The following SPOCK3 variants were observed in gnomAD, a reference collection of about 807,000 sequenced individuals.
The protein encoded by SPOCK3 is testican-3.
A neutral mutation model predicts 56.6 loss-of-function variants in SPOCK3; 30 were observed. The ratio of observed to expected loss-of-function variants is 0.53; its 90% CI spans 0.40 to 0.72. The LOEUF is 0.72. SPOCK3 is among the 30% of genes least tolerant of loss of function. The probability of loss-of-function intolerance (pLI) is 0.00; values close to 1 mark genes in which losing one functional copy is unlikely to be tolerated. For missense variants in SPOCK3, 527 were observed against 530.0 expected (o/e 0.99, Z 0.06); for synonymous variants, 196 against 183.3 (o/e 1.07, Z -0.56).
chr4:167,030,877 C>T (rs965643037), intron 3 of SPOCK3, among the ~76,000 whole-genome samples: 1 of 152,010 alleles, frequency 6.6e-6, no homozygotes, highest in Non-Finnish European at 1.5e-5. Flanking sequence ...GAACTCTTGG[C>T]CATCTCTTTA....
intron 2 of SPOCK3, among the ~76,000 whole-genome samples, chr4:167,095,570 AAG>A (rs1351166166): frequency 6.6e-6 from 1 of 151,934 alleles, no homozygotes; most frequent in African/African-American, 2.4e-5. Context: ...ATAGTAACTA[AAG>A]AGAGAGAGAA....
At chr4:167,117,648 C>T (rs1428461652) in intron 2 of SPOCK3, among the ~76,000 whole-genome samples, 3 of 152,094 alleles carry the variant, frequency 2.0e-5, no homozygotes, top group Non-Finnish European at 2.9e-5. Context: ...GGTCTGGGGG[C>T]AGAGCAGCAG....
chr4:166,946,681 T>C (rs1402437887), intron 4 of SPOCK3, among the ~76,000 whole-genome samples: 1 of 152,000 alleles, frequency 6.6e-6, no homozygotes, highest in African/African-American at 2.4e-5. Flanking sequence ...TCCCCTACTC[T>C]ACATTTTGTA....
chr4:166,837,766 T>G (rs1047519890), intron 6 of SPOCK3, among the ~76,000 whole-genome samples: 1 of 152,204 alleles, frequency 6.6e-6, no homozygotes, highest in Non-Finnish European at 1.5e-5. Flanking sequence ...TACCATGTCC[T>G]TTCTTCCTTT....
At chr4:167,109,563 T>C (rs1299352504) in intron 2 of SPOCK3, among the ~76,000 whole-genome samples, 2 of 132,646 alleles carry the variant, frequency 1.5e-5, no homozygotes, top group East Asian at 2.1e-4. Context: ...TATAAATATG[T>C]TACAAATATA....
At chr4:167,109,603 A>G (rs937522833) in intron 2 of SPOCK3, among the ~76,000 whole-genome samples, 78 of 138,620 alleles carry the variant, frequency 5.6e-4, no homozygotes, top group Non-Finnish European at 2.5e-4. Flanking sequence ...TATAGTATGT[A>G]CCCACAAAAA....
rs193069163 is a variant in SPOCK3, at chr4:167,087,510, A to C, written c.190-24973T>G. Among the ~76,000 whole-genome samples the C allele has an allele frequency of 9.5e-4, 145 of 152,260 alleles. 3 individuals are homozygous for C. In the East Asian group the frequency reaches 0.013, roughly 13 times the overall value. On this transcript the variant is annotated intron_variant, in intron 2 of 10. Transcript: ENST00000357545. ...TGACAACAGAGCATACTTTTCCACA[A>C]ATCTTATCCCCAGAACATATCTGTT...
chr4:166,981,870 G>A (rs1746614825), intron 4 of SPOCK3, among the ~76,000 whole-genome samples: 1 of 152,186 alleles, frequency 6.6e-6, no homozygotes, highest in South Asian at 2.1e-4. Flanking sequence ...ACTCTGGTGG[G>A]GACTGAGGTG....
chr4:167,058,381 T>G (rs964472654), intron 3 of SPOCK3, among the ~76,000 whole-genome samples: 1 of 152,074 alleles, frequency 6.6e-6, no homozygotes, highest in Non-Finnish European at 1.5e-5. Flanking sequence ...GCCAAATCAT[T>G]AGTGAACTCC....
chr4:166,791,555 A>G (rs1195648561), intron 7 of SPOCK3, among the ~76,000 whole-genome samples: 1 of 152,234 alleles, frequency 6.6e-6, no homozygotes, highest in Non-Finnish European at 1.5e-5. Flanking sequence ...AAAATAATAT[A>G]AAATGAAAAG....
intron 2 of SPOCK3, among the ~76,000 whole-genome samples, chr4:167,211,802 T>A (rs1272264642): frequency 6.6e-6 from 1 of 152,176 alleles, no homozygotes; most frequent in African/African-American, 2.4e-5. Flanking sequence ...TACATGTACA[T>A]ATTGGAACAT....
intron 2 of SPOCK3, among the ~76,000 whole-genome samples, chr4:167,170,142 A>G (rs1162716601): frequency 1.3e-5 from 2 of 152,162 alleles, no homozygotes; most frequent in Non-Finnish European, 2.9e-5. Flanking sequence ...CTGAAATTCA[A>G]TTCAAAAGAC....
At chr4:166,872,733 C>T (rs1304726106) in intron 6 of SPOCK3, among the ~76,000 whole-genome samples, 1 of 152,076 alleles carries the variant, frequency 6.6e-6, no homozygotes, top group Non-Finnish European at 1.5e-5. Flanking sequence ...ATATGAATGT[C>T]TTAGTTATTT....
At chr4:166,844,836 G>C (rs1747891503) in intron 6 of SPOCK3, among the ~76,000 whole-genome samples, 1 of 152,126 alleles carries the variant, frequency 6.6e-6, no homozygotes, top group Admixed American at 6.5e-5. Flanking sequence ...GGCTAATACA[G>C]TGTATATACA....
chr4:167,169,639 A>T (rs1364182826), intron 2 of SPOCK3, among the ~76,000 whole-genome samples: 3 of 152,186 alleles, frequency 2.0e-5, no homozygotes, highest in Admixed American at 6.5e-5. Context: ...GGACTTTTGA[A>T]TTAATGCTGA....
intron 5 of SPOCK3, among the ~76,000 whole-genome samples, chr4:166,908,310 A>ACACACACC (rs1491177206): frequency 5.6e-5 from 7 of 124,906 alleles, no homozygotes; most frequent in African/African-American, 1.9e-4. Context: ...ACACACACAC[A>ACACACACC]CCCCTACCTT....
intron 4 of SPOCK3, among the ~76,000 whole-genome samples, chr4:166,951,744 G>T (rs1021527013): frequency 2.1e-5 from 3 of 143,114 alleles, no homozygotes; most frequent in African/African-American, 8.6e-5. Context: ...ATGATCAAGT[G>T]GGCTTCATCC....
chr4:166,944,560 A>C (rs13144616), intron 4 of SPOCK3, among the ~76,000 whole-genome samples: 24,080 of 151,956 alleles, frequency 0.16, 2,745 homozygotes, highest in African/African-American at 0.33. Context: ...GGAGGGGTGG[A>C]TTTCATAACT....
chr4:166,937,196 G>A (rs551877940), intron 4 of SPOCK3, among the ~76,000 whole-genome samples: 17 of 151,950 alleles, frequency 1.1e-4, no homozygotes, highest in African/African-American at 4.1e-4. Context: ...GTTTAATGCA[G>A]CAGAAACCAT....
Sources: allele counts gnomAD v4.1 joint callset (sites outside exome capture counted in the v4.1 genomes callset), GRCh38; gene constraint gnomAD v4.1.1; transcripts MANE v1.5; gene names NCBI Gene and HGNC (gene_info 2026-07-23, HGNC 2026-07-21).